ST8SIA5: variants seen among roughly 807,000 people sequenced by gnomAD.
The protein encoded by ST8SIA5 is alpha-2,8-sialyltransferase 8E.
Under a neutral mutation model 40.2 loss-of-function variants are expected in ST8SIA5, and 24 were observed. The observed-to-expected ratio is 0.60, with a 90% confidence interval of 0.43 to 0.84. The LOEUF (loss-of-function observed/expected upper bound fraction) is 0.84. Among genes scored for constraint, ST8SIA5 ranks in the 40% least tolerant of loss-of-function variants. The pLI, the probability that ST8SIA5 is intolerant of heterozygous loss-of-function variation, is 0.00. For synonymous variants in ST8SIA5, 198 were observed against 201.8 expected, an observed-to-expected ratio of 0.98 and a Z score of 0.16; for missense variants, 465 against 498.5, an observed-to-expected ratio of 0.93 and a Z score of 0.64.
intron 2 of ST8SIA5, among the ~76,000 whole-genome samples, chr18:46,703,746 A>G (rs1421682923): frequency 6.6e-6 from 1 of 152,160 alleles, no homozygotes; most frequent in East Asian, 1.9e-4. Flanking sequence ...TATTTTTTCC[A>G]CATCCAGATG....
At chr18:46,726,750 C>A (rs1460935371) in intron 1 of ST8SIA5, among the ~76,000 whole-genome samples, 1 of 151,894 alleles carries the variant, frequency 6.6e-6, no homozygotes, top group Non-Finnish European at 1.5e-5. Context: ...ATCCCCATCT[C>A]TACTAAAAAT....
intron 2 of ST8SIA5, among the ~76,000 whole-genome samples, chr18:46,703,689 G>A (rs545708220): frequency 5.3e-5 from 8 of 152,232 alleles, no homozygotes; most frequent in Non-Finnish European, 7.4e-5. Context: ...TCAGGGGACC[G>A]ATGAGTCCAT....
intron 1 of ST8SIA5, among the ~76,000 whole-genome samples, chr18:46,738,251 C>CAAAAAA (rs10645121): frequency 3.5e-4 from 49 of 138,880 alleles, no homozygotes; most frequent in Admixed American, 5.7e-4. Flanking sequence ...ATAGAAATGT[C>CAAAAAA]AAAAAAAAAA....
chr18:46,688,991 A>G (rs939629062), intron 3 of ST8SIA5, 72 bp from the exon 4 acceptor site: 1 of 1,538,022 alleles, frequency 6.5e-7, no homozygotes, highest in African/African-American at 1.4e-5. Context: ...GCACAACCTC[A>G]CGGAGAACAG....
At chr18:46,748,221 T>C (rs963402349) in intron 1 of ST8SIA5, among the ~76,000 whole-genome samples, 1 of 148,486 alleles carries the variant, frequency 6.7e-6, no homozygotes, top group African/African-American at 2.5e-5. Context: ...AAAAGTATAA[T>C]TCATAAATAA....
intron 1 of ST8SIA5, among the ~76,000 whole-genome samples, chr18:46,746,376 A>G (rs1482674329): frequency 1.3e-5 from 2 of 152,210 alleles, no homozygotes; most frequent in Non-Finnish European, 2.9e-5. Context: ...AAGTCTCAGG[A>G]TACAAAATCA....
chr18:46,713,662 T>C (rs1555695991), intron 1 of ST8SIA5, among the ~76,000 whole-genome samples: 1 of 151,826 alleles, frequency 6.6e-6, no homozygotes, highest in Non-Finnish European at 1.5e-5. Context: ...ACATGGAAGC[T>C]AAGAGGAGGG....
At chr18:46,717,096 C>A (rs1380390386) in intron 1 of ST8SIA5, among the ~76,000 whole-genome samples, 2 of 152,230 alleles carry the variant, frequency 1.3e-5, no homozygotes, top group African/African-American at 2.4e-5. Flanking sequence ...CAACACTGCC[C>A]ACCCTACAGG....
chr18:46,697,080 G>A (rs2039563653), intron 2 of ST8SIA5, among the ~76,000 whole-genome samples: 1 of 145,616 alleles, frequency 6.9e-6, no homozygotes, highest in African/African-American at 2.5e-5. Context: ...TTAATGTCCA[G>A]CAGAGGAGGA....
chr18:46,718,363 A>G (rs1234326043), intron 1 of ST8SIA5, among the ~76,000 whole-genome samples: 2 of 151,424 alleles, frequency 1.3e-5, no homozygotes, highest in Admixed American at 1.3e-4. Flanking sequence ...AATTATTCCT[A>G]TATGCTCATT....
chr18:46,688,037 A>T (rs1222656574), intron 4 of ST8SIA5, among the ~76,000 whole-genome samples: 1 of 152,198 alleles, frequency 6.6e-6, no homozygotes, highest in Non-Finnish European at 1.5e-5. Context: ...GCTCAGCATC[A>T]GTGATCTGAA....
At chr18:46,700,230 T>C (rs2039598285) in intron 2 of ST8SIA5, among the ~76,000 whole-genome samples, 2 of 152,244 alleles carry the variant, frequency 1.3e-5, no homozygotes. Flanking sequence ...TCTGGCTGAC[T>C]GACTTTTACC....
intron 2 of ST8SIA5, among the ~76,000 whole-genome samples, chr18:46,694,826 G>T (rs987395252): frequency 7.1e-6 from 1 of 141,396 alleles, no homozygotes; most frequent in East Asian, 2.0e-4. Context: ...TCCTACAGGG[G>T]TCCATTATTT....
Position 46,680,183 on chromosome 18 carries a change from GCCCGA to G in ST8SIA5, c.985_989del (p.Ser329ProfsTer9). ...CATAGTAGTGGTGAGTGATGTAGAG[GCCCGA>G]GGGGTTCATGGGGAAGGCCCAGAAG... On this transcript the variant is annotated frameshift_variant, in exon 7 of 7. Coordinates refer to ENST00000315087, the MANE Select transcript of ST8SIA5 (RefSeq NM_013305.6). LOFTEE classifies it high-confidence loss of function. 6.2e-7 allele frequency: 1 copy of G among 1,614,232 alleles called. No homozygotes were observed. The highest frequency in any genetic ancestry group is 1.1e-5 in the South Asian group (1 of 91,082).
Position 46,756,946 on chromosome 18 carries a change from C to T in ST8SIA5, c.-438G>A. 6.0e-6 allele frequency: 1 copy of T among 166,818 alleles called. No individual in the cohort carries two copies. The highest frequency in any genetic ancestry group is 1.6e-4 in the South Asian group (1 of 6,258). The allele number at this position is 166,818 out of a possible 1,614,324, so 10.3% of individuals were successfully genotyped here. On this transcript the variant is annotated 5_prime_UTR_variant, in exon 1 of 7. Transcript: ENST00000315087. ...CCGCGCATCGACCCCTCCAGTCCGG[C>T]GCCGGATCGCGGTTGCCCAGCGCGC...
intron 1 of ST8SIA5, among the ~76,000 whole-genome samples, chr18:46,748,071 G>C (rs1442959273): frequency 1.3e-5 from 2 of 152,026 alleles, no homozygotes; most frequent in Non-Finnish European, 2.9e-5. Flanking sequence ...GGGCCTGTCA[G>C]GGGGTGGAGG....
intron 1 of ST8SIA5, among the ~76,000 whole-genome samples, chr18:46,737,876 T>C (rs1432050257): frequency 1.3e-5 from 2 of 152,096 alleles, no homozygotes; most frequent in African/African-American, 4.8e-5. Context: ...GTTCAAGCGA[T>C]TCTCCTGCCT....
At chr18:46,732,623 G>A (rs561092134) in intron 1 of ST8SIA5, among the ~76,000 whole-genome samples, 3 of 152,266 alleles carry the variant, frequency 2.0e-5, no homozygotes, top group Non-Finnish European at 4.4e-5. Context: ...GGATAACCTT[G>A]AGTAGGCTCT....
chr18:46,741,935 C>T (rs1358818045), intron 1 of ST8SIA5, among the ~76,000 whole-genome samples: 1 of 151,832 alleles, frequency 6.6e-6, no homozygotes, highest in African/African-American at 2.4e-5. Flanking sequence ...AATCCCCTCT[C>T]TACTAAAAAT....
Sources: gnomAD v4.1 joint callset for allele counts (sites outside exome capture counted in the v4.1 genomes callset) on GRCh38, gnomAD v4.1.1 for gene constraint, MANE v1.5 for transcripts, NCBI Gene and HGNC (gene_info 2026-07-23, HGNC 2026-07-21) for gene names.